The following ZNF804A variants were observed in gnomAD, a reference collection of about 807,000 sequenced individuals.
ZNF804A encodes zinc finger protein 804A.
Under a neutral mutation model 16.5 loss-of-function variants are expected in ZNF804A, and 2 were observed. The ratio of observed to expected loss-of-function variants is 0.12; its 90% CI spans 0.05 to 0.38. The LOEUF is 0.38. Among genes scored for constraint, ZNF804A ranks in the 10% least tolerant of loss-of-function variants. The probability of loss-of-function intolerance (pLI) is 0.99; values close to 1 mark genes in which losing one functional copy is unlikely to be tolerated. For synonymous variants in ZNF804A, 534 were observed against 489.6 expected (o/e 1.09, Z -1.20); for missense variants, 1,473 against 1,390.7 (o/e 1.06, Z -0.94).
At chr2:184,814,156 C>T (rs1327431951) in intron 1 of ZNF804A, among the ~76,000 whole-genome samples, 1 of 151,716 alleles carries the variant, frequency 6.6e-6, no homozygotes, top group African/African-American at 2.4e-5. Context: ...GTAGAAACTG[C>T]CATACAGTTC....
chr2:184,643,301 C>T (rs1287390270), intron 1 of ZNF804A, among the ~76,000 whole-genome samples: 2 of 151,910 alleles, frequency 1.3e-5, no homozygotes, highest in Admixed American at 6.6e-5. Context: ...GTCATATGGC[C>T]TTGGTCAAGT....
chr2:184,847,888 C>A (rs1695544511), intron 1 of ZNF804A, among the ~76,000 whole-genome samples: 2 of 152,028 alleles, frequency 1.3e-5, no homozygotes, highest in Admixed American at 1.3e-4. Context: ...AAGGATAAAA[C>A]TCAGGAACAG....
chr2:184,775,107 T>C (rs1031210360), intron 1 of ZNF804A, among the ~76,000 whole-genome samples: 51 of 151,790 alleles, frequency 3.4e-4, no homozygotes, highest in African/African-American at 1.2e-3. Context: ...CTATTGTAAG[T>C]AATAATGTAA....
intron 1 of ZNF804A, among the ~76,000 whole-genome samples, chr2:184,683,154 A>G (rs1365629577): frequency 6.6e-6 from 1 of 152,192 alleles, no homozygotes; most frequent in Non-Finnish European, 1.5e-5. Flanking sequence ...GCATCGTATT[A>G]TGTCTCTGTG....
At chr2:184,662,391 A>G (rs916557228) in intron 1 of ZNF804A, among the ~76,000 whole-genome samples, 16 of 152,200 alleles carry the variant, frequency 1.1e-4, no homozygotes, top group African/African-American at 3.4e-4. Flanking sequence ...TTAAAGACTC[A>G]TAATAAAGTT....
chr2:184,835,179 C>G lies in ZNF804A; in HGVS notation c.112-31190C>G, dbSNP rs145800569. Among the ~76,000 whole-genome samples the G allele has an allele frequency of 5.5e-3, 839 of 152,184 alleles. 6 individuals carry two copies. Among genetic ancestry groups the G allele is most frequent in the Middle Eastern group, 0.017 (5 of 294 alleles). ...GTACTGGGAAGGTTCTGAACTCCCC[C>G]CAGGAGAGAATTCAAGGGTGAACCA... is the stretch of plus-strand genomic sequence containing the variant. On this transcript the variant is annotated intron_variant, in intron 1 of 3. Coordinates refer to ENST00000302277, the MANE Select transcript of ZNF804A (RefSeq NM_194250.2).
intron 1 of ZNF804A, among the ~76,000 whole-genome samples, chr2:184,796,773 C>T (rs1197481115): frequency 6.6e-6 from 1 of 152,112 alleles, no homozygotes; most frequent in Non-Finnish European, 1.5e-5. Flanking sequence ...GGGCTATGAA[C>T]TTTCCCCTTA....
intron 1 of ZNF804A, among the ~76,000 whole-genome samples, chr2:184,708,981 G>C (rs1225997803): frequency 6.6e-6 from 1 of 152,012 alleles, no homozygotes; most frequent in Non-Finnish European, 1.5e-5. Flanking sequence ...CTCTGTTCTT[G>C]TCATTCAGCT....
chr2:184,884,937 C>A (rs1485801693), intron 2 of ZNF804A, among the ~76,000 whole-genome samples: 1 of 152,070 alleles, frequency 6.6e-6, no homozygotes, highest in African/African-American at 2.4e-5. Flanking sequence ...AAAACACTTG[C>A]AAACTATGCA....
Position 184,903,472 on chromosome 2 carries a change from CT to C in ZNF804A, c.256-30130del, listed in dbSNP as rs1456043575. On this transcript the variant is annotated intron_variant, in intron 2 of 3. Transcript: ENST00000302277. Reference sequence around the variant, plus strand: ...GGAGCAATAGGCTATACCATAGAGCCTAGGTGTGTAGTAGGTTATACCACCT... The same window carrying C: ...GGAGCAATAGGCTATACCATAGAGCCAGGTGTGTAGTAGGTTATACCACCT... 5.3e-5 allele frequency among the ~76,000 whole-genome samples: 8 copies of C among 152,170 alleles called. No individual in the cohort carries two copies. The East Asian group carries it at 9.7e-4, about 18-fold the overall frequency.
chr2:184,784,312 G>A (rs1441706951), intron 1 of ZNF804A, among the ~76,000 whole-genome samples: 1 of 151,812 alleles, frequency 6.6e-6, no homozygotes. Context: ...CATATAGCTA[G>A]ATGTATATTT....
At chr2:184,839,924 T>G (rs903646420) in intron 1 of ZNF804A, among the ~76,000 whole-genome samples, 4 of 152,158 alleles carry the variant, frequency 2.6e-5, no homozygotes, top group Admixed American at 6.6e-5. Context: ...TAAGGGACCA[T>G]AACCGACCCC....
intron 1 of ZNF804A, among the ~76,000 whole-genome samples, chr2:184,664,954 C>T (rs1486207638): frequency 6.6e-6 from 1 of 152,104 alleles, no homozygotes; most frequent in Non-Finnish European, 1.5e-5. Flanking sequence ...TACTAGAATC[C>T]TAGAGTATCT....
At position 184,694,850 on chromosome 2, in the gene ZNF804A, C is replaced by T. The variant is rs114050463; in HGVS notation, c.111+95780C>T. On this transcript the variant is annotated intron_variant, in intron 1 of 3. Transcript: ENST00000302277. Reference sequence around the variant, plus strand: ...TGAAGAAAAGTTAGGGCAGAAGGAGCTAGGCAAAGGTGTCTTGTCAGTCGG... The same window carrying T: ...TGAAGAAAAGTTAGGGCAGAAGGAGTTAGGCAAAGGTGTCTTGTCAGTCGG... Among the ~76,000 whole-genome samples, 939 of 152,266 alleles carry T rather than the reference C, an allele frequency of 6.2e-3. 6 individuals carry two copies. The highest frequency in any genetic ancestry group is 8.4e-3 in the Non-Finnish European group (571 of 68,014).
intron 1 of ZNF804A, among the ~76,000 whole-genome samples, chr2:184,717,205 T>C (rs924901576): frequency 6.6e-6 from 1 of 152,188 alleles, no homozygotes; most frequent in Non-Finnish European, 1.5e-5. Context: ...TTTGTACGTC[T>C]CTCTCTCATG....
At chr2:184,876,329 T>C (rs1684674714) in intron 2 of ZNF804A, among the ~76,000 whole-genome samples, 1 of 151,910 alleles carries the variant, frequency 6.6e-6, no homozygotes, top group Non-Finnish European at 1.5e-5. Flanking sequence ...AATTTAAAAG[T>C]AGGAGATACT....
chr2:184,655,777 A>G (rs1692065934), intron 1 of ZNF804A, among the ~76,000 whole-genome samples: 2 of 152,102 alleles, frequency 1.3e-5, no homozygotes, highest in Non-Finnish European at 2.9e-5. Context: ...TATAAAGAGT[A>G]TTATAATGAA....
chr2:184,599,037 G>C lies in ZNF804A; in HGVS notation c.78G>C (p.Arg26=). The C allele has an allele frequency of 6.2e-7, 1 of 1,614,028 alleles. No individual in the cohort carries two copies. Residue 26 remains arginine, a synonymous_variant, in exon 1 of 4, where the codon CGG becomes CGC. Transcript: ENST00000302277. ...TTCGCAACATCAAGGGAGTTTTCCG[G>C]GGCCCTCTCAGCAAGAACGGGAACA... ...GHFRNIKGVF[R]GPLSKNGNKT... is the part of the protein sequence containing the mutation.
chr2:184,671,644 T>G (rs1181060460), intron 1 of ZNF804A, among the ~76,000 whole-genome samples: 1 of 152,220 alleles, frequency 6.6e-6, no homozygotes, highest in Non-Finnish European at 1.5e-5. Context: ...GTCCCTTTAT[T>G]AAACTTGATA....
Sources: allele counts gnomAD v4.1 joint callset (sites outside exome capture counted in the v4.1 genomes callset), GRCh38; gene constraint gnomAD v4.1.1; transcripts MANE v1.5; gene names NCBI Gene and HGNC (gene_info 2026-07-23, HGNC 2026-07-21).